Variants in MCTP1 observed in about 807,000 individuals in gnomAD.
MCTP1 encodes the protein multiple C2 and transmembrane domain-containing protein 1.
MCTP1 carries 69 observed loss-of-function variants against 120.6 expected under a neutral mutation model. The observed-to-expected ratio is 0.57, with a 90% confidence interval of 0.47 to 0.70. The LOEUF is 0.70. Among genes scored for constraint, MCTP1 ranks in the 30% least tolerant of loss-of-function variants. The pLI is 0.00. For synonymous variants in MCTP1, 529 were observed against 493.1 expected (o/e 1.07, Z -0.96); for missense variants, 1,203 against 1,248.8 (o/e 0.96, Z 0.55).
intron 1 of MCTP1, among the ~76,000 whole-genome samples, chr5:95,245,738 C>G (rs1326532554): frequency 6.6e-6 from 1 of 152,074 alleles, no homozygotes; most frequent in Non-Finnish European, 1.5e-5. Context: ...AGAATGGAAC[C>G]AAGCTAGAAA....
At chr5:94,979,589 C>G (rs919326588) in intron 2 of MCTP1, 1 of 152,070 alleles carries the variant, frequency 6.6e-6, no homozygotes, top group Non-Finnish European at 1.5e-5. Context: ...TTCTGGTCAA[C>G]TGAATATAAA....
chr5:95,220,454 A>G (rs1753564617), intron 1 of MCTP1, among the ~76,000 whole-genome samples: 1 of 152,190 alleles, frequency 6.6e-6, no homozygotes, highest in South Asian at 2.1e-4. Flanking sequence ...TTCATTCTTA[A>G]TAATTCATTT....
intron 2 of MCTP1, among the ~76,000 whole-genome samples, chr5:94,993,273 T>C (rs1424164990): frequency 1.3e-5 from 2 of 152,296 alleles, no homozygotes. Context: ...GAGGGATAAA[T>C]TGATCATTCT....
intron 19 of MCTP1, among the ~76,000 whole-genome samples, chr5:94,719,595 C>T (rs1327121738): frequency 2.0e-5 from 3 of 152,104 alleles, no homozygotes; most frequent in East Asian, 3.9e-4. Context: ...CATGTTCTCA[C>T]ATGTAAGTGG....
intron 1 of MCTP1, among the ~76,000 whole-genome samples, chr5:95,060,585 A>G (rs1490976068): frequency 6.6e-6 from 1 of 152,228 alleles, no homozygotes; most frequent in Admixed American, 6.5e-5. Flanking sequence ...TGTAATAACT[A>G]AAAAATTATC....
chr5:94,730,405 C>T (rs1212091401), intron 19 of MCTP1, among the ~76,000 whole-genome samples: 9 of 152,196 alleles, frequency 5.9e-5, no homozygotes, highest in Non-Finnish European at 1.2e-4. Flanking sequence ...CCTGCCTTGG[C>T]CTCCCAAGGT....
intron 19 of MCTP1, among the ~76,000 whole-genome samples, chr5:94,752,624 G>GT (rs1369410549): frequency 1.3e-5 from 2 of 151,838 alleles, no homozygotes; most frequent in East Asian, 1.9e-4. Context: ...AAACTAGGAT[G>GT]TTTTTTTAAA....
chr5:94,794,886 CT>C (rs1486519397), intron 18 of MCTP1, among the ~76,000 whole-genome samples: 1 of 152,056 alleles, frequency 6.6e-6, no homozygotes, highest in Non-Finnish European at 1.5e-5. Context: ...ACTGGCTTTT[CT>C]GTAATTCGTG....
chr5:95,284,887 T>G lies in MCTP1; in HGVS notation c.-312A>C, dbSNP rs1256303293. ...GCCTGCAAAGTTTTTCCCTCGAAGC[T>G]CCGCGGCTCCAGTCCACTGGCGTCC... On this transcript the variant is annotated 5_prime_UTR_variant, in exon 1 of 23. Coordinates refer to ENST00000515393, the MANE Select transcript of MCTP1 (RefSeq NM_024717.7). This position sits in a 1 kb window ranked among gnomAD's most constrained non-coding sequence, Gnocchi z 5.2. Among the ~76,000 whole-genome samples, 6 of 151,838 alleles carry G rather than the reference T, an allele frequency of 4.0e-5. No individual in the cohort carries two copies. The highest frequency in any genetic ancestry group is 2.0e-4 in the Admixed American group (3 of 15,278).
chr5:95,167,894 GT>G (rs1043303131), intron 1 of MCTP1, among the ~76,000 whole-genome samples: 2 of 152,144 alleles, frequency 1.3e-5, no homozygotes, highest in African/African-American at 4.8e-5. Flanking sequence ...AAGCTCTTTA[GT>G]TTAATTAAAT....
chr5:95,182,621 T>G (rs1397449328), intron 1 of MCTP1, among the ~76,000 whole-genome samples: 2 of 152,160 alleles, frequency 1.3e-5, no homozygotes, highest in African/African-American at 4.8e-5. Context: ...TCATTTTGCA[T>G]GGTTTCAGCT....
intron 18 of MCTP1, among the ~76,000 whole-genome samples, chr5:94,795,263 T>C (rs1258465328): frequency 2.2e-5 from 3 of 137,602 alleles, no homozygotes; most frequent in African/African-American, 2.7e-5. Flanking sequence ...GGGGGTGGGG[T>C]GGGGATGGCG....
At chr5:95,271,032 G>A (rs961602782) in intron 1 of MCTP1, among the ~76,000 whole-genome samples, 1 of 151,856 alleles carries the variant, frequency 6.6e-6, no homozygotes, top group African/African-American at 2.4e-5. Context: ...ATATTTTCAT[G>A]TACACGTATG....
intron 1 of MCTP1, among the ~76,000 whole-genome samples, chr5:95,197,495 T>A (rs182243944): frequency 6.6e-6 from 1 of 152,276 alleles, no homozygotes; most frequent in East Asian, 1.9e-4. Context: ...TAAATAGGTA[T>A]CCTGTTTAGC....
At chr5:94,742,863 C>T (rs190769136) in intron 19 of MCTP1, among the ~76,000 whole-genome samples, 22 of 152,174 alleles carry the variant, frequency 1.4e-4, no homozygotes, top group African/African-American at 5.1e-4. Context: ...CTCATTGAAA[C>T]TGTATTGAAA....
intron 3 of MCTP1, among the ~76,000 whole-genome samples, chr5:94,947,371 G>C (rs1460625403): frequency 1.3e-5 from 2 of 151,222 alleles, no homozygotes; most frequent in African/African-American, 4.9e-5. Flanking sequence ...GTATCTAATT[G>C]GCACTCATTC....
chr5:95,005,840 C>G (rs573352697), intron 2 of MCTP1, among the ~76,000 whole-genome samples: 158 of 151,508 alleles, frequency 1.0e-3, no homozygotes, highest in South Asian at 2.7e-3. Context: ...ATATAACATA[C>G]ATTTAAGGAA....
At chr5:95,069,754 A>T (rs778443172) in intron 1 of MCTP1, among the ~76,000 whole-genome samples, 9 of 148,720 alleles carry the variant, frequency 6.1e-5, no homozygotes, top group Non-Finnish European at 1.3e-4. Context: ...GCTGGAGTGC[A>T]GTGGTGCAAT....
intron 4 of MCTP1, 122 bp downstream of exon 4, chr5:94,942,226 G>A (rs1817893514): frequency 1.6e-6 from 1 of 643,590 alleles, no homozygotes; most frequent in East Asian, 2.9e-5. Flanking sequence ...GAGAAAGGCT[G>A]ACTAGCAGGA....
Sources: gnomAD v4.1 joint callset for allele counts (sites outside exome capture counted in the v4.1 genomes callset) on GRCh38, gnomAD v4.1.1 for gene constraint, Gnocchi (gnomAD v3.1) non-coding constraint, MANE v1.5 for transcripts, NCBI Gene and HGNC (gene_info 2026-07-23, HGNC 2026-07-21) for gene names.